RABGEF1: variants seen among roughly 807,000 people sequenced by gnomAD.
The protein encoded by RABGEF1 is rab5 GDP/GTP exchange factor.
Under a neutral mutation model 57.3 loss-of-function variants are expected in RABGEF1, and 26 were observed. The ratio of observed to expected loss-of-function variants is 0.45; its 90% confidence interval spans 0.33 to 0.63. The LOEUF (loss-of-function observed/expected upper bound fraction) is 0.63. Ranked by LOEUF, RABGEF1 falls within the 20% of genes least tolerant of loss-of-function variation. The probability of loss-of-function intolerance (pLI) is 0.02; values close to 1 mark genes in which losing one functional copy is unlikely to be tolerated. For synonymous variants in RABGEF1, 185 were observed against 210.7 expected, an observed-to-expected ratio of 0.88 and a Z score of 1.06; for missense variants, 464 against 607.6, an observed-to-expected ratio of 0.76 and a Z score of 2.48.
At chr7:66,655,562 A>C in the RABGEF1 span, among the ~76,000 whole-genome samples, 1 of 152,024 alleles carries the variant, frequency 6.6e-6, no homozygotes, top group Non-Finnish European at 1.5e-5. Context: ...TTGAGATGGG[A>C]TCTCACAATG....
intron 1 of RABGEF1, among the ~76,000 whole-genome samples, chr7:66,745,136 G>A (rs1799908154): frequency 6.6e-6 from 1 of 151,808 alleles, no homozygotes; most frequent in Non-Finnish European, 1.5e-5. Context: ...AGCTTGCAGT[G>A]AGCCGAGATT....
At chr7:66,667,135 A>G in the RABGEF1 span, among the ~76,000 whole-genome samples, 26 of 152,346 alleles carry the variant, frequency 1.7e-4, no homozygotes, top group South Asian at 5.4e-3. Flanking sequence ...GCATAGGGAC[A>G]GGGCCCAGAG....
At chr7:66,786,189 C>T (rs1235854781) in intron 4 of RABGEF1, among the ~76,000 whole-genome samples, 1 of 152,170 alleles carries the variant, frequency 6.6e-6, no homozygotes, top group Non-Finnish European at 1.5e-5. Flanking sequence ...GCAGCCTTTT[C>T]AGCATATGGG....
chr7:66,735,197 T>C (rs1305768818), intron 2 of RABGEF1, among the ~76,000 whole-genome samples: 2 of 152,228 alleles, frequency 1.3e-5, no homozygotes, highest in East Asian at 3.8e-4. Flanking sequence ...TTTCCCATTG[T>C]TGTGTAGTGC....
chr7:66,676,430 T>C, the RABGEF1 span, among the ~76,000 whole-genome samples: 1 of 152,180 alleles, frequency 6.6e-6, no homozygotes, highest in Non-Finnish European at 1.5e-5. Flanking sequence ...GAACCCCTGC[T>C]TATAAAAAGT....
intron 2 of RABGEF1, 53 bp downstream of exon 2, chr7:66,772,131 T>C (rs1427351808): frequency 1.5e-6 from 2 of 1,309,302 alleles, no homozygotes; most frequent in Non-Finnish European, 2.0e-6. Flanking sequence ...GGATACATAG[T>C]TCTGTCACCG....
intron 4 of RABGEF1, among the ~76,000 whole-genome samples, chr7:66,794,630 T>C (rs1813577326): frequency 1.3e-5 from 2 of 152,232 alleles, no homozygotes; most frequent in South Asian, 4.1e-4. Context: ...ACGTGGTTAA[T>C]GACAGTGTGC....
intron 4 of RABGEF1, among the ~76,000 whole-genome samples, chr7:66,794,321 CTCTTT>C (rs945261401): frequency 1.1e-4 from 15 of 134,290 alleles, no homozygotes; most frequent in Admixed American, 2.4e-4. Context: ...CTTTCCTCTT[CTCTTT>C]TCTTTTCTTT....
At chr7:66,685,566 C>T (rs1790497987) in intron 1 of RABGEF1, among the ~76,000 whole-genome samples, 1 of 152,100 alleles carries the variant, frequency 6.6e-6, no homozygotes, top group African/African-American at 2.4e-5. Context: ...GATGTCTGAC[C>T]CAGCTAATTT....
chr7:66,661,769 A>T, the RABGEF1 span, among the ~76,000 whole-genome samples: 1 of 152,220 alleles, frequency 6.6e-6, no homozygotes, highest in Non-Finnish European at 1.5e-5. Context: ...AACTCATTCT[A>T]TGAGGCCAGC....
At position 66,795,531 on chromosome 7, in the gene RABGEF1, G is replaced by T; in HGVS notation, c.534G>T (p.Gln178His). The T allele has an allele frequency of 6.2e-7, 1 of 1,611,880 alleles. No individual in the cohort carries two copies. The highest frequency in any genetic ancestry group is 8.5e-7 in the Non-Finnish European group (1 of 1,178,002). ...HYKRDLSIEE[Q>H]SECAQDFYHN... Reference sequence around the variant, plus strand: ...TTCAGGATCTAAGCATTGAAGAACAGTCAGAGTGTGCTCAGGATTTCTACC... The same window carrying T: ...TTCAGGATCTAAGCATTGAAGAACATTCAGAGTGTGCTCAGGATTTCTACC... Residue 178 changes from glutamine (Q) to histidine (H), a missense_variant, in exon 5 of 9, where the codon CAG becomes CAT. Around this residue, in one of 4 missense-constraint regions of RABGEF1, gnomAD observed 284 missense variants for 389.9 expected, o/e 0.73. Coordinates refer to ENST00000284957, the MANE Select transcript of RABGEF1 (RefSeq NM_014504.3).
intron 2 of RABGEF1, among the ~76,000 whole-genome samples, chr7:66,772,772 C>T (rs1807467060): frequency 6.6e-6 from 1 of 151,778 alleles, no homozygotes; most frequent in Admixed American, 6.6e-5. Flanking sequence ...GTTAGCCGGG[C>T]ATGGTGGTAC....
At chr7:66,802,780 C>T (rs1366294278) in intron 7 of RABGEF1, among the ~76,000 whole-genome samples, 1 of 152,184 alleles carries the variant, frequency 6.6e-6, no homozygotes, top group Non-Finnish European at 1.5e-5. Flanking sequence ...CCTTCTCTCC[C>T]TTTTTCCACC....
At chr7:66,682,765 T>G (rs1401749431) in intron 1 of RABGEF1, among the ~76,000 whole-genome samples, 1 of 152,076 alleles carries the variant, frequency 6.6e-6, no homozygotes, top group Admixed American at 6.5e-5. Context: ...GTCCCGGAGT[T>G]GGGAGGGGAT....
intron 1 of RABGEF1, among the ~76,000 whole-genome samples, chr7:66,682,903 T>G (rs1789999013): frequency 6.6e-6 from 1 of 152,100 alleles, no homozygotes; most frequent in Admixed American, 6.6e-5. Context: ...CACGGCAGTT[T>G]AGGGAGAGAG....
chr7:66,708,726 C>A (rs1168830710), intron 1 of RABGEF1, among the ~76,000 whole-genome samples: 1 of 152,138 alleles, frequency 6.6e-6, no homozygotes, highest in Admixed American at 6.5e-5. Context: ...GTGGGAGGAT[C>A]TCCTGGGCCC....
chr7:66,762,261 A>G (rs1170148681), intron 1 of RABGEF1, among the ~76,000 whole-genome samples: 1 of 152,164 alleles, frequency 6.6e-6, no homozygotes, highest in Non-Finnish European at 1.5e-5. Context: ...AGACAGACCA[A>G]TGGGTAAATA....
chr7:66,681,747 A>C (rs1377507829), upstream of RABGEF1, among the ~76,000 whole-genome samples: 2 of 152,180 alleles, frequency 1.3e-5, no homozygotes, highest in Non-Finnish European at 1.5e-5. Flanking sequence ...TCCGCGAAGG[A>C]CTGAAACAGA....
At chr7:66,681,650 T>C (rs1789748890), upstream of RABGEF1, among the ~76,000 whole-genome samples, 1 of 152,228 alleles carries the variant, frequency 6.6e-6, no homozygotes, top group Non-Finnish European at 1.5e-5. Flanking sequence ...GCGATCCTCC[T>C]GCCTGGGCCT....
Sources: gnomAD v4.1 joint callset for allele counts (sites outside exome capture counted in the v4.1 genomes callset) on GRCh38, gnomAD v4.1.1 for gene constraint, gnomAD v4.1.1 regional missense constraint, MANE v1.5 for transcripts, NCBI Gene and HGNC (gene_info 2026-07-23, HGNC 2026-07-21) for gene names.